RHOBTB1: variants seen among roughly 807,000 people sequenced by gnomAD.
RHOBTB1 encodes rho-related BTB domain-containing protein 1.
In RHOBTB1, 40 loss-of-function variants were observed where a neutral mutation model predicts 71.6. The observed-to-expected ratio is 0.56, with a 90% CI of 0.43 to 0.73. The LOEUF is 0.73. RHOBTB1 is among the 30% of genes least tolerant of loss of function. The pLI is 0.00. For missense variants in RHOBTB1, 797 were observed against 894.0 expected, an observed-to-expected ratio of 0.89 and a Z score of 1.38; for synonymous variants, 319 against 334.9, an observed-to-expected ratio of 0.95 and a Z score of 0.52.
rs2080763462 is a variant in RHOBTB1 at position 60,871,236 on chromosome 10, A to G, written c.*246T>C. ...CTAAAGTTTATTAAGCCTCCTAACA[A>G]AAAAAATATACATATCAGTTTAAGG... On this transcript the variant is annotated 3_prime_UTR_variant, in exon 11 of 11. Coordinates refer to ENST00000337910, the MANE Select transcript of RHOBTB1 (RefSeq NM_014836.5). The G allele has an allele frequency of 2.7e-6, 1 of 372,040 alleles. No individual in the cohort carries two copies. The highest frequency in any genetic ancestry group is 4.8e-6 in the Non-Finnish European group (1 of 210,438). The allele number at this position is 372,040 out of a possible 1,614,324, so 23.0% of individuals were successfully genotyped here.
chr10:60,982,138 C>A (rs1435441400), intron 2 of RHOBTB1, among the ~76,000 whole-genome samples: 1 of 152,132 alleles, frequency 6.6e-6, no homozygotes, highest in Non-Finnish European at 1.5e-5. Context: ...TGACTACTTT[C>A]TGAGAAATTA....
At chr10:60,995,768 C>T (rs1459229645) in intron 1 of RHOBTB1, among the ~76,000 whole-genome samples, 1 of 151,936 alleles carries the variant, frequency 6.6e-6, no homozygotes, top group Non-Finnish European at 1.5e-5. Flanking sequence ...GCAATTTCAA[C>T]TTGGAAAAGG....
chr10:60,894,027 G>C (rs1395024225), intron 4 of RHOBTB1, among the ~76,000 whole-genome samples: 1 of 152,178 alleles, frequency 6.6e-6, no homozygotes, highest in Non-Finnish European at 1.5e-5. Context: ...AATTTCATTA[G>C]ATGTTAATTT....
intron 2 of RHOBTB1, among the ~76,000 whole-genome samples, chr10:60,976,173 C>T (rs1180659515): frequency 4.6e-5 from 7 of 151,718 alleles, no homozygotes; most frequent in Non-Finnish European, 8.8e-5. Context: ...GATATTGCAA[C>T]GGTGGCACAT....
intron 2 of RHOBTB1, among the ~76,000 whole-genome samples, chr10:60,959,832 C>A (rs556493190): frequency 6.6e-6 from 1 of 152,260 alleles, no homozygotes; most frequent in Admixed American, 6.5e-5. Context: ...GCCTCAGTTT[C>A]CACCTCTGTA....
intron 4 of RHOBTB1, among the ~76,000 whole-genome samples, chr10:60,904,883 T>C (rs2082586995): frequency 6.6e-6 from 1 of 152,220 alleles, no homozygotes; most frequent in Non-Finnish European, 1.5e-5. Flanking sequence ...TTCTTTTTGT[T>C]ACAGCAGCAC....
intron 2 of RHOBTB1, among the ~76,000 whole-genome samples, chr10:60,981,220 G>A (rs2086485018): frequency 6.6e-6 from 1 of 152,118 alleles, no homozygotes; most frequent in Non-Finnish European, 1.5e-5. Flanking sequence ...TCTTTACAAT[G>A]AGAAGAGAAG....
intron 4 of RHOBTB1, among the ~76,000 whole-genome samples, chr10:60,895,618 G>A (rs1396519125): frequency 6.6e-6 from 1 of 152,090 alleles, no homozygotes; most frequent in Non-Finnish European, 1.5e-5. Context: ...TGGTCAGGCT[G>A]GTCTCAAACT....
At chr10:60,908,753 G>C (rs1321673512) in intron 4 of RHOBTB1, among the ~76,000 whole-genome samples, 1 of 152,344 alleles carries the variant, frequency 6.6e-6, no homozygotes, top group East Asian at 1.9e-4. Flanking sequence ...AGAGAGAGGA[G>C]CTCTGGTTTT....
chr10:60,994,895 T>C (rs2086995277), intron 1 of RHOBTB1, among the ~76,000 whole-genome samples: 1 of 151,764 alleles, frequency 6.6e-6, no homozygotes, highest in Non-Finnish European at 1.5e-5. Context: ...AATCACCCTG[T>C]CACAGTTGAA....
chr10:60,932,138 C>A (rs1323852924), intron 2 of RHOBTB1, among the ~76,000 whole-genome samples: 1 of 152,146 alleles, frequency 6.6e-6, no homozygotes, highest in Non-Finnish European at 1.5e-5. Flanking sequence ...AAATCACAAA[C>A]ACATAAATAT....
At chr10:60,935,598 A>C (rs568805328) in intron 2 of RHOBTB1, among the ~76,000 whole-genome samples, 10 of 152,256 alleles carry the variant, frequency 6.6e-5, no homozygotes, top group Non-Finnish European at 1.5e-4. Context: ...CAGATGATCT[A>C]TATGATCTGT....
chr10:60,924,335 C>A (rs976293152), intron 2 of RHOBTB1, among the ~76,000 whole-genome samples: 1 of 151,136 alleles, frequency 6.6e-6, no homozygotes, highest in African/African-American at 2.4e-5. Flanking sequence ...AAATAAAACC[C>A]GCCAAAAAAG....
intron 1 of RHOBTB1, among the ~76,000 whole-genome samples, chr10:61,000,527 T>C (rs906876825): frequency 6.6e-6 from 1 of 152,152 alleles, no homozygotes; most frequent in Non-Finnish European, 1.5e-5. Context: ...ACGGTAAACT[T>C]AGTTTCGAAT....
intron 2 of RHOBTB1, among the ~76,000 whole-genome samples, chr10:60,971,422 C>T (rs2086152843): frequency 6.6e-6 from 1 of 152,006 alleles, no homozygotes; most frequent in African/African-American, 2.4e-5. Flanking sequence ...TTTGACAAAC[C>T]TGACAAAAAC....
chr10:60,940,235 A>C lies in RHOBTB1; in HGVS notation c.-11+1569T>G, dbSNP rs555906813. On this transcript the variant is annotated intron_variant, in intron 2 of 10. Coordinates refer to ENST00000337910, the MANE Select transcript of RHOBTB1 (RefSeq NM_014836.5). ...GTGGGGGTTATCAGCACATTAAAAAAGATGATATCCTAAGGTTTGCTTTAA... is the reference window on the plus strand; with the variant it reads ...GTGGGGGTTATCAGCACATTAAAAACGATGATATCCTAAGGTTTGCTTTAA... Among the ~76,000 whole-genome samples, 13 of 152,348 alleles carry C rather than the reference A, an allele frequency of 8.5e-5. No individual in the cohort carries two copies. In the South Asian group the frequency reaches 2.5e-3, roughly 29 times the overall value.
chr10:60,891,427 T>C (rs987499054), intron 5 of RHOBTB1, among the ~76,000 whole-genome samples: 2 of 149,582 alleles, frequency 1.3e-5, no homozygotes, highest in Non-Finnish European at 3.0e-5. Context: ...TGCAGCCTTG[T>C]CCTCCCAGGT....
chr10:60,877,967 G>A lies in RHOBTB1; in HGVS notation c.1667C>T (p.Pro556Leu), dbSNP rs768772092. ...GTTTGCCAAGGCAATTAATTCCAGC[G>A]GGTCCAGATCCAAGTTAGGAGACAA... ...KQLSPNLDLD[P>L]LELIALANRF... The change falls in exon 8 of 11, where the codon CCG (proline) becomes CTG (leucine). Residue 556 changes from proline to leucine, a missense_variant. Around this residue, in one of 2 missense-constraint regions of RHOBTB1, gnomAD observed 658 missense variants for 681.5 expected, o/e 0.97. Transcript: ENST00000337910. 6.8e-6 allele frequency: 11 copies of A among 1,613,810 alleles called. No individual in the cohort carries two copies. Among genetic ancestry groups the A allele is most frequent in the Admixed American group, 3.3e-5 (2 of 59,976 alleles).
At chr10:60,979,121 A>G (rs2086410234) in intron 2 of RHOBTB1, among the ~76,000 whole-genome samples, 1 of 152,156 alleles carries the variant, frequency 6.6e-6, no homozygotes, top group Admixed American at 6.5e-5. Context: ...TGCTAGGAAC[A>G]TGTATGCTAG....
Sources: allele counts gnomAD v4.1 joint callset (sites outside exome capture counted in the v4.1 genomes callset), GRCh38; gene constraint gnomAD v4.1.1; regional missense constraint gnomAD v4.1.1; transcripts MANE v1.5; gene names NCBI Gene and HGNC (gene_info 2026-07-23, HGNC 2026-07-21).